RBL1: variants seen among roughly 807,000 people sequenced by gnomAD.
RBL1 encodes RB transcriptional corepressor like 1.
Under a neutral mutation model 123.0 loss-of-function variants are expected in RBL1, and 82 were observed. The observed-to-expected ratio is 0.67, with a 90% confidence interval of 0.56 to 0.80. The LOEUF is 0.80. RBL1 is among the 30% of genes least tolerant of loss of function. RBL1 has a pLI of 0.00. For synonymous variants in RBL1, 405 were observed against 441.3 expected (o/e 0.92, Z 1.03); for missense variants, 1,171 against 1,299.6 (o/e 0.90, Z 1.52).
intron 9 of RBL1, among the ~76,000 whole-genome samples, chr20:37,060,036 G>A (rs1279401571): frequency 6.6e-6 from 1 of 152,028 alleles, no homozygotes; most frequent in Non-Finnish European, 1.5e-5. Context: ...GCTGGGCGTG[G>A]TGGCGCACGC....
At chr20:37,081,105 A>G (rs1051203914) in intron 2 of RBL1, among the ~76,000 whole-genome samples, 1 of 152,196 alleles carries the variant, frequency 6.6e-6, no homozygotes, top group Non-Finnish European at 1.5e-5. Flanking sequence ...ATGATTGCTC[A>G]AGGAATTGCT....
At chr20:37,024,089 CTA>C (rs1230730710) in intron 16 of RBL1, among the ~76,000 whole-genome samples, 1 of 151,802 alleles carries the variant, frequency 6.6e-6, no homozygotes, top group African/African-American at 2.4e-5. Context: ...CTGGCCCAAA[CTA>C]TGTCTTTAAA....
At chr20:37,006,838 CAAAA>C (rs199689934) in intron 20 of RBL1, among the ~76,000 whole-genome samples, 4 of 71,680 alleles carry the variant, frequency 5.6e-5, no homozygotes, top group African/African-American at 6.1e-5. Context: ...GAGACTGTCT[CAAAA>C]AAAAAAAAAA....
chr20:36,999,762 G>C (rs1472803467), intron 21 of RBL1, among the ~76,000 whole-genome samples: 2 of 152,242 alleles, frequency 1.3e-5, no homozygotes, highest in African/African-American at 4.8e-5. Flanking sequence ...CCGAGGTGCC[G>C]GGATGGCAGA....
chr20:37,070,965 G>C (rs1263585157), intron 2 of RBL1, among the ~76,000 whole-genome samples: 1 of 151,524 alleles, frequency 6.6e-6, no homozygotes, highest in Non-Finnish European at 1.5e-5. Flanking sequence ...GCATGATCTT[G>C]GCTCACTGCA....
Position 37,061,088 on chromosome 20 carries a change from C to T in RBL1, c.1250+15G>A. On this transcript the variant is annotated intron_variant, in intron 9 of 21. Coordinates refer to ENST00000373664, the MANE Select transcript of RBL1 (RefSeq NM_002895.5). ...TTTAAAAAGACATTTGGAAAAATAA[C>T]AGTATTGTACATACTCAAAAATATT... 1 of 1,498,048 alleles carries T rather than the reference C, an allele frequency of 6.7e-7. No homozygotes were observed. The highest frequency in any genetic ancestry group is 9.0e-7 in the Non-Finnish European group (1 of 1,117,248). 92.8% of individuals were successfully genotyped at this position (1,498,048 alleles called of 1,614,324 possible).
chr20:37,044,661 C>T (rs1375524582), intron 12 of RBL1, among the ~76,000 whole-genome samples: 2 of 152,126 alleles, frequency 1.3e-5, no homozygotes, highest in Admixed American at 6.6e-5. Flanking sequence ...TTCTGTGGCA[C>T]AGAACCAAAG....
At chr20:37,061,692 A>G (rs1252118427) in intron 8 of RBL1, among the ~76,000 whole-genome samples, 2 of 152,208 alleles carry the variant, frequency 1.3e-5, no homozygotes, top group Admixed American at 1.3e-4. Context: ...TTAACAATCA[A>G]GTCCAGAGTT....
In RBL1 at chr20:37,095,866, T is replaced by C. The variant is rs1255718925; in HGVS notation, c.63A>G (p.Leu21=). 2 of 1,606,854 alleles carry C rather than the reference T, an allele frequency of 1.2e-6. No homozygotes were observed. Among genetic ancestry groups the C allele is most frequent in the Non-Finnish European group, 1.7e-6 (2 of 1,177,460 alleles). ...GGTTCAGCTCCTGGCACAGGGCCTG[T>C]AGCGCCTCCCCGGCTGCGGCGACCA... ...AAVVAAAGEA[L]QALCQELNLD... is the part of the protein sequence containing the mutation. Residue 21 remains leucine (L), a synonymous_variant, in exon 1 of 22, where the codon CTA becomes CTG. Transcript: ENST00000373664.
intron 2 of RBL1, among the ~76,000 whole-genome samples, chr20:37,076,563 A>C (rs989332736): frequency 2.0e-5 from 3 of 152,232 alleles, no homozygotes; most frequent in Non-Finnish European, 4.4e-5. Flanking sequence ...ACAAGATTTC[A>C]TTATGCTACT....
chr20:37,008,836 G>C (rs889013594), intron 19 of RBL1, among the ~76,000 whole-genome samples: 17 of 152,024 alleles, frequency 1.1e-4, no homozygotes, highest in Non-Finnish European at 8.8e-5. Flanking sequence ...TCTTGACGAG[G>C]GTGGGAGGGG....
intron 19 of RBL1, among the ~76,000 whole-genome samples, chr20:37,015,922 C>A (rs545816615): frequency 6.6e-6 from 1 of 151,554 alleles, no homozygotes; most frequent in Non-Finnish European, 1.5e-5. Context: ...ACGGGTTTCA[C>A]CATCTTGGCC....
chr20:37,030,653 G>GAAACCAGCC (rs1417368165), intron 16 of RBL1, among the ~76,000 whole-genome samples: 1 of 152,084 alleles, frequency 6.6e-6, no homozygotes, highest in Non-Finnish European at 1.5e-5. Flanking sequence ...TCAGTAGTTT[G>GAAACCAGCC]AAACCAGCCA....
chr20:37,009,839 T>C (rs2064124683), intron 19 of RBL1, among the ~76,000 whole-genome samples: 1 of 152,010 alleles, frequency 6.6e-6, no homozygotes, highest in Admixed American at 6.6e-5. Flanking sequence ...TGAAACCCTG[T>C]CTCTATAAAA....
chr20:37,095,319 T>C (rs953982555), intron 1 of RBL1, among the ~76,000 whole-genome samples: 1 of 152,188 alleles, frequency 6.6e-6, no homozygotes, highest in Admixed American at 6.5e-5. Flanking sequence ...CTTGGGCCTG[T>C]AGCTTAACCC....
Position 37,044,192 on chromosome 20 carries a change from A to C in RBL1, c.1664T>G (p.Leu555Arg). 6.2e-7 allele frequency: 1 copy of C among 1,613,968 alleles called. No homozygotes were observed. ...EGLSRDMVKH[L>R]NSIEEQILES... is the part of the protein sequence containing the mutation. Reference sequence around the variant, plus strand: ...CAAAATCTGTTCTTCAATGCTGTTTAGGTGTTTCACCATGTCCCTTGAGAG... The same window carrying C: ...CAAAATCTGTTCTTCAATGCTGTTTCGGTGTTTCACCATGTCCCTTGAGAG... Residue 555 changes from leucine (L) to arginine (R), a missense_variant, in exon 13 of 22, where the codon CTA becomes CGA. Transcript: ENST00000373664.
In RBL1 at chr20:37,095,796, T is replaced by G; in HGVS notation, c.133A>C (p.Ile45Leu). The G allele has an allele frequency of 6.2e-7, 1 of 1,609,802 alleles. No homozygotes were observed. Among genetic ancestry groups the G allele is most frequent in the Middle Eastern group, 2.0e-4 (1 of 5,118 alleles). ...ACCTCTAGGCTGTAGTTGCCTCGGATGGCAGTAAAGTCGTCCAGGGCTTCG... is the reference window on the plus strand; with the variant it reads ...ACCTCTAGGCTGTAGTTGCCTCGGAGGGCAGTAAAGTCGTCCAGGGCTTCG... ...AAEALDDFTA[I>L]RGNYSLEGEV... Residue 45 changes from isoleucine to leucine, a missense_variant, in exon 1 of 22, where the codon ATC becomes CTC. By Grantham distance (5) the Ile-to-Leu change is conservative (BLOSUM62 2). Coordinates refer to ENST00000373664, the MANE Select transcript of RBL1 (RefSeq NM_002895.5).
intron 19 of RBL1, among the ~76,000 whole-genome samples, chr20:37,016,191 C>A (rs1213075982): frequency 6.6e-6 from 1 of 151,572 alleles, no homozygotes; most frequent in African/African-American, 2.4e-5. Flanking sequence ...CCATGCCCAG[C>A]TAATTTTTGT....
rs182140318 is a variant in RBL1 at position 37,052,072 on chromosome 20, G to T, written c.1467+3481C>A. Among the ~76,000 whole-genome samples, 26 of 150,310 alleles carry T rather than the reference G, an allele frequency of 1.7e-4. No homozygotes were observed. The East Asian group carries it at 4.9e-3, about 28-fold the overall frequency. On this transcript the variant is annotated intron_variant, in intron 11 of 21. Coordinates refer to ENST00000373664, the MANE Select transcript of RBL1 (RefSeq NM_002895.5). The stretch of plus-strand genomic sequence containing the variant: ...TTTTTAGATAGAGTCTCGCTCTGTT[G>T]CCCAGGCTGGAGTGCAGTGGTGCAA...
Sources: gnomAD v4.1 joint callset for allele counts (sites outside exome capture counted in the v4.1 genomes callset) on GRCh38, gnomAD v4.1.1 for gene constraint, MANE v1.5 for transcripts, NCBI Gene and HGNC (gene_info 2026-07-23, HGNC 2026-07-21) for gene names.